The following SERPINA6 variants were observed in gnomAD, a reference collection of about 807,000 sequenced individuals.
SERPINA6 encodes the protein serpin family A member 6, also known as corticosteroid-binding globulin.
In SERPINA6, 19 loss-of-function variants were observed where a neutral mutation model predicts 26.4. The ratio of observed to expected loss-of-function variants is 0.72; its 90% confidence interval spans 0.50 to 1.06. The LOEUF is 1.06. Ranked by LOEUF, SERPINA6 falls within the 50% of genes least tolerant of loss-of-function variation. SERPINA6 has a pLI of 0.00. For synonymous variants in SERPINA6, 196 were observed against 199.4 expected, an observed-to-expected ratio of 0.98 and a Z score of 0.14; for missense variants, 473 against 504.0, an observed-to-expected ratio of 0.94 and a Z score of 0.59.
At chr14:94,319,434 A>T (rs943952969) in intron 1 of SERPINA6, among the ~76,000 whole-genome samples, 2 of 152,218 alleles carry the variant, frequency 1.3e-5, no homozygotes, top group Admixed American at 6.5e-5. Context: ...CATTTGACCC[A>T]ACAATTTTGC....
rs970903537 is a variant in SERPINA6, at chr14:94,311,021, C to T, written c.614-1015G>A. Among the ~76,000 whole-genome samples, 11 of 152,338 alleles carry T rather than the reference C, an allele frequency of 7.2e-5. No homozygotes were observed. The East Asian group carries it at 1.5e-3, about 21-fold the overall frequency. On this transcript the variant is annotated intron_variant, in intron 2 of 4. Transcript: ENST00000341584. ...CTGTCTGTGGGATCTATGGATTGCT[C>T]AGCCAAAATTCTTGGTTCTAAGCCA...
intron 3 of SERPINA6, among the ~76,000 whole-genome samples, chr14:94,309,533 G>C (rs1566726656): frequency 1.3e-5 from 2 of 152,228 alleles, no homozygotes; most frequent in African/African-American, 4.8e-5. Flanking sequence ...AAGTATTTCA[G>C]TGTTGATGGA....
Position 94,314,603 on chromosome 14 carries a change from C to A in SERPINA6, c.46G>T (p.Gly16Cys), listed in dbSNP as rs748984466. The A allele has an allele frequency of 6.2e-7, 1 of 1,614,024 alleles. No homozygotes were observed. The highest frequency in any genetic ancestry group is 1.3e-5 in the African/African-American group (1 of 74,922). The change falls in exon 2 of 5, where the codon GGC becomes TGC. Residue 16 changes from glycine to cysteine, a missense_variant. Transcript: ENST00000341584. Reference sequence around the variant, plus strand: ...TCCATGGCCTGGACGGTCCAGAGGCCGCTGGTGGGCAGCCAGAGAAGACAG... The same window carrying A: ...TCCATGGCCTGGACGGTCCAGAGGCAGCTGGTGGGCAGCCAGAGAAGACAG... ...YTCLLWLPTS[G>C]LWTVQAMDPN...
Position 94,314,611 on chromosome 14 carries a change from G to T in SERPINA6, c.38C>A (p.Pro13His). Reference sequence around the variant, plus strand: ...CTGGACGGTCCAGAGGCCGCTGGTGGGCAGCCAGAGAAGACAGGTGTACAG... The same window carrying T: ...CTGGACGGTCCAGAGGCCGCTGGTGTGCAGCCAGAGAAGACAGGTGTACAG... The part of the protein sequence containing the change: ...LLLYTCLLWL[P>H]TSGLWTVQAM... The change falls in exon 2 of 5, where the codon CCC (proline) becomes CAC (histidine). Residue 13 changes from proline to histidine, a missense_variant. Transcript: ENST00000341584. 1 of 1,614,140 alleles carries T rather than the reference G, an allele frequency of 6.2e-7. No individual in the cohort carries two copies. The highest frequency in any genetic ancestry group is 8.5e-7 in the Non-Finnish European group (1 of 1,180,030).
In SERPINA6 at chr14:94,314,037, T is replaced by C. The variant is rs1433759185; in HGVS notation, c.612A>G (p.Lys204=). The C allele has an allele frequency of 1.9e-5, 31 of 1,614,028 alleles. No homozygotes were observed. Among genetic ancestry groups the C allele is most frequent in the Non-Finnish European group, 2.5e-5 (29 of 1,180,028 alleles). The change falls in exon 2 of 5, where the codon AAA becomes AAG. Residue 204 remains lysine (K), a splice_region_variant and synonymous_variant. Transcript: ENST00000341584. ...TCAGATGGGGATGGGTGGGAATACC[T>C]TTGAAGAAGATATAGTTGACCAGGA... ...ILVLVNYIFF[K]GTWTQPFDLA...
chr14:94,317,942 C>T (rs1895634561), intron 1 of SERPINA6, among the ~76,000 whole-genome samples: 1 of 152,120 alleles, frequency 6.6e-6, no homozygotes, highest in Admixed American at 6.5e-5. Context: ...CTTATATGTT[C>T]AAAACCCTAA....
chr14:94,314,006 G>T, intron 2 of SERPINA6, 30 bp downstream of exon 2: 1 of 1,613,400 alleles, frequency 6.2e-7, no homozygotes. Flanking sequence ...CATAGTGGAT[G>T]GGCCTTCAGA....
intron 1 of SERPINA6, among the ~76,000 whole-genome samples, chr14:94,315,986 G>C (rs1336815734): frequency 6.6e-6 from 1 of 152,094 alleles, no homozygotes; most frequent in Non-Finnish European, 1.5e-5. Flanking sequence ...AGATCTTCTT[G>C]TTTTTAATGT....
Position 94,304,561 on chromosome 14 carries a change from CCA to C in SERPINA6, c.1073_1074del (p.Val358GlyfsTer98), listed in dbSNP as rs1171892814. The C allele has an allele frequency of 3.1e-6, 5 of 1,614,058 alleles. No individual in the cohort carries two copies. The Middle Eastern group carries it at 4.9e-4, about 159-fold the overall frequency. ...GTGACCCCAGTGGAGCCAGCTGTGT[CCA>C]CACCCTCCTCATTGAGTTGCAGCAC... ...KAVLQLNEEGVDTAGSTGVTL... is the reference protein window; with the variant it reads ...KAVLQLNEEGXDTAGSTGVTL... On this transcript the variant is annotated frameshift_variant, in exon 5 of 5. Coordinates refer to ENST00000341584, the MANE Select transcript of SERPINA6 (RefSeq NM_001756.4). LOFTEE classifies it low-confidence loss of function (END_TRUNC).
chr14:94,321,670 C>G (rs1191684839), intron 1 of SERPINA6, among the ~76,000 whole-genome samples: 7 of 152,152 alleles, frequency 4.6e-5, no homozygotes, highest in Admixed American at 4.6e-4. Context: ...TGGCTCCAGT[C>G]TGTAGGTCCC....
chr14:94,319,348 C>T (rs1177969186), intron 1 of SERPINA6, among the ~76,000 whole-genome samples: 3 of 152,134 alleles, frequency 2.0e-5, no homozygotes, highest in African/African-American at 7.2e-5. Context: ...AACCCTTATG[C>T]ATTGCTGGTA....
intron 3 of SERPINA6, among the ~76,000 whole-genome samples, chr14:94,308,508 G>C (rs181224275): frequency 6.6e-6 from 1 of 150,734 alleles, no homozygotes; most frequent in African/African-American, 2.5e-5. Flanking sequence ...GCCTTCCTGA[G>C]CTACTCCAGA....
chr14:94,304,364 G>A lies in SERPINA6; in HGVS notation c.*54C>T. The A allele has an allele frequency of 6.4e-7, 1 of 1,561,082 alleles. No homozygotes were observed. The highest frequency in any genetic ancestry group is 8.8e-7 in the Non-Finnish European group (1 of 1,131,784). ...CTCCCGCTCTCCAAAACATTTCTGT[G>A]GGATCCCTGGTTCCCAAAGTCAGAC... On this transcript the variant is annotated 3_prime_UTR_variant, in exon 5 of 5. Transcript: ENST00000341584.
At chr14:94,318,468 A>G (rs1895641433) in intron 1 of SERPINA6, among the ~76,000 whole-genome samples, 1 of 152,222 alleles carries the variant, frequency 6.6e-6, no homozygotes, top group African/African-American at 2.4e-5. Flanking sequence ...GCATAAAGAC[A>G]TACATAGAGA....
chr14:94,316,819 G>A (rs889019265), intron 1 of SERPINA6, among the ~76,000 whole-genome samples: 1 of 152,184 alleles, frequency 6.6e-6, no homozygotes, highest in Non-Finnish European at 1.5e-5. Context: ...CCCTGAGCTG[G>A]ACATCTGTGT....
chr14:94,318,448 T>A (rs1184181053), intron 1 of SERPINA6, among the ~76,000 whole-genome samples: 1 of 152,116 alleles, frequency 6.6e-6, no homozygotes, highest in African/African-American at 2.4e-5. Flanking sequence ...ATCAAAACAG[T>A]GTGGTACTGG....
chr14:94,305,487 G>A (rs960984703), intron 4 of SERPINA6, among the ~76,000 whole-genome samples: 3 of 152,150 alleles, frequency 2.0e-5, no homozygotes, highest in African/African-American at 7.2e-5. Flanking sequence ...CACACAGCAC[G>A]CATTTTACTG....
At chr14:94,321,675 G>A (rs915679385) in intron 1 of SERPINA6, among the ~76,000 whole-genome samples, 3 of 152,088 alleles carry the variant, frequency 2.0e-5, no homozygotes, top group African/African-American at 7.2e-5. Context: ...CCAGTCTGTA[G>A]GTCCCTCATC....
intron 2 of SERPINA6, among the ~76,000 whole-genome samples, chr14:94,312,783 G>A (rs564534798): frequency 6.6e-6 from 1 of 152,268 alleles, no homozygotes; most frequent in East Asian, 1.9e-4. Context: ...GTAAGGAGGT[G>A]CGGGATGGGA....
Sources: gnomAD v4.1 joint callset for allele counts (sites outside exome capture counted in the v4.1 genomes callset) on GRCh38, gnomAD v4.1.1 for gene constraint, MANE v1.5 for transcripts, NCBI Gene and HGNC (gene_info 2026-07-23, HGNC 2026-07-21) for gene names.